The following ANXA13 variants were observed in gnomAD, a reference collection of about 807,000 sequenced individuals.
ANXA13 encodes the protein annexin A13.
A neutral mutation model predicts 46.6 loss-of-function variants in ANXA13; 36 were observed. The observed-to-expected ratio is 0.77, with a 90% CI of 0.59 to 1.02. The LOEUF (loss-of-function observed/expected upper bound fraction) is 1.02, where lower values mean the gene tolerates loss of function less well. Among genes scored for constraint, ANXA13 ranks in the 50% least tolerant of loss-of-function variants. The probability of loss-of-function intolerance (pLI) is 0.00; values close to 1 mark genes in which losing one functional copy is unlikely to be tolerated. For missense variants in ANXA13, 417 were observed against 396.5 expected (o/e 1.05, Z -0.44); for synonymous variants, 163 against 152.9 (o/e 1.07, Z -0.49).
chr8:123,713,320 T>C (rs908121099), intron 1 of ANXA13, among the ~76,000 whole-genome samples: 4 of 152,256 alleles, frequency 2.6e-5, no homozygotes, highest in African/African-American at 9.6e-5. Flanking sequence ...GTTTATATAG[T>C]GTATTGAGCT....
At chr8:123,683,589 T>C (rs1409176887) in intron 10 of ANXA13, among the ~76,000 whole-genome samples, 1 of 139,366 alleles carries the variant, frequency 7.2e-6, no homozygotes, top group African/African-American at 2.6e-5. Flanking sequence ...GTGACCTTTT[T>C]TTTTTTTTTT....
chr8:123,722,368 AAGAAAG>A (rs1563618085), intron 1 of ANXA13, among the ~76,000 whole-genome samples: 1,752 of 148,508 alleles, frequency 0.012, 43 homozygotes, highest in African/African-American at 0.04. Flanking sequence ...GAAAGAAAGA[AAGAAAG>A]AAAGAAAGAA....
In ANXA13 at chr8:123,732,036, C is replaced by A. The variant is rs569399737; in HGVS notation, c.15+5284G>T. On this transcript the variant is annotated intron_variant, in intron 1 of 10. Transcript: ENST00000419625. ...CTCAGGGAAGGGGCTAAAGAGATGA[C>A]GAGGTGATGATTCAGTTCAACAGTT... is the stretch of plus-strand genomic sequence containing the variant. 1.1e-4 allele frequency among the ~76,000 whole-genome samples: 16 copies of A among 152,192 alleles called. No homozygotes were observed. In the South Asian group the frequency reaches 2.7e-3, roughly 26 times the overall value.
intron 4 of ANXA13, 147 bp from the exon 5 acceptor site, chr8:123,695,868 C>G: frequency 1.5e-6 from 1 of 685,228 alleles, no homozygotes; most frequent in South Asian, 1.8e-5. Flanking sequence ...AGGTCCAGGG[C>G]ACACGCCTGG....
At chr8:123,706,873 AAAC>A (rs1011987493) in intron 2 of ANXA13, among the ~76,000 whole-genome samples, 1 of 152,148 alleles carries the variant, frequency 6.6e-6, no homozygotes, top group Non-Finnish European at 1.5e-5. Context: ...CTCCTAGAAC[AAAC>A]AACACTTTCT....
At position 123,695,405 on chromosome 8, in the gene ANXA13, G is replaced by T. The variant is rs1244076193; in HGVS notation, c.471+97C>A. On this transcript the variant is annotated intron_variant, in intron 6 of 10. Transcript: ENST00000419625. ...TTGATAATATTTTTAATATAAGAAA[G>T]AAATGTTTATCTACGTTACCCTTTT... 5 of 905,998 alleles carry T rather than the reference G, an allele frequency of 5.5e-6. No individual in the cohort carries two copies. In the East Asian group the frequency reaches 1.2e-4, roughly 22 times the overall value. 56.1% of individuals were successfully genotyped at this position (905,998 alleles called of 1,614,324 possible). A position where few individuals can be genotyped will look rare whatever the true frequency, so the allele number is the denominator to read the frequency against.
intron 1 of ANXA13, among the ~76,000 whole-genome samples, chr8:123,732,406 T>A (rs1814135673): frequency 6.6e-6 from 1 of 152,184 alleles, no homozygotes; most frequent in South Asian, 2.1e-4. Context: ...TTATTATCAT[T>A]AACATTTCAG....
At chr8:123,716,636 C>T (rs570957259) in intron 1 of ANXA13, among the ~76,000 whole-genome samples, 2 of 152,238 alleles carry the variant, frequency 1.3e-5, no homozygotes, top group East Asian at 1.9e-4. Context: ...GTGGTGGGGG[C>T]TGCCTCCACA....
chr8:123,714,458 GGAGA>G (rs1382222704), intron 1 of ANXA13, among the ~76,000 whole-genome samples: 1 of 152,192 alleles, frequency 6.6e-6, no homozygotes, highest in Non-Finnish European at 1.5e-5. Flanking sequence ...CTACATAAAG[GGAGA>G]GAGAGAAAGA....
intron 1 of ANXA13, among the ~76,000 whole-genome samples, chr8:123,734,406 T>C (rs1053339119): frequency 5.9e-5 from 9 of 152,180 alleles, no homozygotes; most frequent in African/African-American, 1.2e-4. Context: ...CACAAGGACA[T>C]GTCCTCCAGG....
intron 2 of ANXA13, among the ~76,000 whole-genome samples, chr8:123,704,462 G>T (rs1341775511): frequency 1.4e-5 from 2 of 146,510 alleles, no homozygotes; most frequent in African/African-American, 2.8e-5. Context: ...AGAGCGCAGT[G>T]GCATGATCAC....
In ANXA13 at chr8:123,698,487, G is replaced by T; in HGVS notation, c.259C>A (p.Pro87Thr). 1.2e-6 allele frequency: 2 copies of T among 1,614,230 alleles called. No individual in the cohort carries two copies. The highest frequency in any genetic ancestry group is 1.7e-6 in the Non-Finnish European group (2 of 1,180,038). ...EKTALALLDR[P>T]SEYAARQLQK... ...AGCTGCCGGGCGGCGTACTCGCTGG[G>T]ACGGTCCAGAAGGGCCAACGCTGTC... The change falls in exon 4 of 11, where the codon CCC becomes ACC. Residue 87 changes from proline to threonine, a missense_variant. Coordinates refer to ENST00000419625, the MANE Select transcript of ANXA13 (RefSeq NM_004306.4).
intron 1 of ANXA13, among the ~76,000 whole-genome samples, chr8:123,713,684 T>A (rs1392513691): frequency 2.0e-5 from 3 of 152,184 alleles, no homozygotes; most frequent in Non-Finnish European, 4.4e-5. Context: ...CTAAGTGATA[T>A]GTGTCCATAT....
At chr8:123,705,965 T>A (rs759322852) in intron 2 of ANXA13, among the ~76,000 whole-genome samples, 2 of 152,222 alleles carry the variant, frequency 1.3e-5, no homozygotes, top group Non-Finnish European at 2.9e-5. Context: ...GGGTCTGATG[T>A]GACAACCATG....
intron 3 of ANXA13, among the ~76,000 whole-genome samples, chr8:123,702,360 A>G (rs1052705570): frequency 6.6e-6 from 1 of 152,060 alleles, no homozygotes. Context: ...ACATATGTAC[A>G]GTTAGTCCCA....
intron 9 of ANXA13, 109 bp downstream of exon 9, chr8:123,688,762 G>A: frequency 1.1e-6 from 1 of 952,158 alleles, no homozygotes; most frequent in South Asian, 1.3e-5. Flanking sequence ...GCTTAGACCT[G>A]TTGACCCCCA....
chr8:123,722,313 AAAAAGAAAGAAAGAAAAAGAAAGAAAAG>A (rs1813889753), intron 1 of ANXA13, among the ~76,000 whole-genome samples: 1 of 150,012 alleles, frequency 6.7e-6, no homozygotes, highest in Non-Finnish European at 1.5e-5. Flanking sequence ...ACCCTGTCTC[AAAAAGAAAGAAAGAAAAAGAAAGAAAAG>A]AAAAGAAAGA....
intron 9 of ANXA13, among the ~76,000 whole-genome samples, chr8:123,686,642 C>T (rs1343052714): frequency 6.6e-6 from 1 of 152,078 alleles, no homozygotes; most frequent in African/African-American, 2.4e-5. Context: ...CCCAGGCTCC[C>T]TTCCTGGAGG....
At chr8:123,711,367 T>A (rs1479026076) in intron 2 of ANXA13, among the ~76,000 whole-genome samples, 1 of 152,200 alleles carries the variant, frequency 6.6e-6, no homozygotes, top group Non-Finnish European at 1.5e-5. Context: ...GATGTCACCC[T>A]CTTCCAGGCT....
Sources: allele counts gnomAD v4.1 joint callset (sites outside exome capture counted in the v4.1 genomes callset), GRCh38; gene constraint gnomAD v4.1.1; transcripts MANE v1.5; gene names NCBI Gene and HGNC (gene_info 2026-07-23, HGNC 2026-07-21).